CACNA1I: variants seen among roughly 807,000 people sequenced by gnomAD.
CACNA1I encodes the protein voltage-dependent T-type calcium channel subunit alpha-1I.
In CACNA1I, 74 loss-of-function variants were observed where a neutral mutation model predicts 201.6. That is an observed-to-expected ratio of 0.37 (90% CI 0.30 to 0.45). CACNA1I has a LOEUF of 0.45. CACNA1I is among the 20% of genes least tolerant of loss of function. CACNA1I has a pLI of 1.00. For missense variants in CACNA1I, 2,346 were observed against 3,138.1 expected, an observed-to-expected ratio of 0.75 and a Z score of 6.03; for synonymous variants, 1,431 against 1,345.2, an observed-to-expected ratio of 1.06 and a Z score of -1.40.
chr22:39,652,669 C>T (rs1378501367), intron 10 of CACNA1I, among the ~76,000 whole-genome samples: 1 of 152,206 alleles, frequency 6.6e-6, no homozygotes, highest in Non-Finnish European at 1.5e-5. Flanking sequence ...CTTTGGGAGG[C>T]TGTGGCGAGA....
Position 39,677,283 on chromosome 22 carries a change from G to A in CACNA1I, c.4855-58G>A. On this transcript the variant is annotated intron_variant, in intron 29 of 36. Coordinates refer to ENST00000402142, the MANE Select transcript of CACNA1I (RefSeq NM_021096.4). The surrounding 1 kb of genome is among the most constrained non-coding windows in gnomAD (Gnocchi z 4.8). The stretch of plus-strand genomic sequence containing the variant: ...CTGCCCCAGCCTCCACCCTTCCCAG[G>A]CCTGGTGCGCCCCCACCCGCTCCCC... 8.2e-6 allele frequency: 10 copies of A among 1,225,524 alleles called. No individual in the cohort carries two copies. Among genetic ancestry groups the A allele is most frequent in the African/African-American group, 1.5e-5 (1 of 67,040 alleles). The allele number at this position is 1,225,524 out of a possible 1,614,324, so 75.9% of individuals were successfully genotyped here.
intron 1 of CACNA1I, among the ~76,000 whole-genome samples, chr22:39,574,055 C>T (rs1932267545): frequency 6.6e-6 from 1 of 152,190 alleles, no homozygotes; most frequent in Admixed American, 6.5e-5. Context: ...GATACGGACT[C>T]TCTTCAGGCC....
Position 39,685,697 on chromosome 22 carries a change from G to T in CACNA1I, c.6028-64G>T, listed in dbSNP as rs1423624796. On this transcript the variant is annotated intron_variant, in intron 36 of 36. Transcript: ENST00000402142. The surrounding 1 kb of genome is among the most constrained non-coding windows in gnomAD (Gnocchi z 5.0). ...TGCTGCCTGCTGTGCGGGGGAGGGC[G>T]GCGTCCAGGTTGCTGGGGTGGGGGC... 95 of 1,320,080 alleles carry T rather than the reference G, an allele frequency of 7.2e-5. No homozygotes were observed. The highest frequency in any genetic ancestry group is 8.8e-5 in the Non-Finnish European group (90 of 1,018,990). 81.8% of individuals were successfully genotyped at this position (1,320,080 alleles called of 1,614,324 possible).
chr22:39,632,903 T>A (rs767330504), intron 4 of CACNA1I, among the ~76,000 whole-genome samples: 1 of 151,484 alleles, frequency 6.6e-6, no homozygotes, highest in African/African-American at 2.4e-5. Context: ...CTGCTCTCGG[T>A]GGGGTGAAGC....
At chr22:39,641,203 G>A in intron 6 of CACNA1I, 21 bp downstream of exon 6, 1 of 1,598,964 alleles carries the variant, frequency 6.3e-7, no homozygotes, top group South Asian at 1.1e-5. Context: ...TCAGGCCTGG[G>A]GCCAGCCTGG....
rs534027710 is a variant in CACNA1I at position 39,676,160 on chromosome 22, C to A, written c.4855-1181C>A. ...GACAGATAGAAAAGCTGACGGCAAT[C>A]CTGGTTAAGAGATGCTGCCCCCGCC... On this transcript the variant is annotated intron_variant, in intron 29 of 36. Coordinates refer to ENST00000402142, the MANE Select transcript of CACNA1I (RefSeq NM_021096.4). The surrounding 1 kb of genome is among the most constrained non-coding windows in gnomAD (Gnocchi z 4.8). Among the ~76,000 whole-genome samples, 2 of 152,176 alleles carry A rather than the reference C, an allele frequency of 1.3e-5. No homozygotes were observed. The highest frequency in any genetic ancestry group is 4.1e-4 in the South Asian group (2 of 4,830).
chr22:39,631,129 G>A (rs1934051664), intron 4 of CACNA1I, among the ~76,000 whole-genome samples: 1 of 152,212 alleles, frequency 6.6e-6, no homozygotes, highest in African/African-American at 2.4e-5. Flanking sequence ...TGGCCCCGTG[G>A]TATTCCTGAA....
At chr22:39,682,344 G>C (rs1176968779) in intron 34 of CACNA1I, among the ~76,000 whole-genome samples, 152 bp from the exon 35 acceptor site, 1 of 152,180 alleles carries the variant, frequency 6.6e-6, no homozygotes, top group Non-Finnish European at 1.5e-5. Flanking sequence ...CGGGATTTTG[G>C]AAGATGGTCA....
At chr22:39,601,405 T>G (rs1406972831) in intron 3 of CACNA1I, among the ~76,000 whole-genome samples, 1 of 152,196 alleles carries the variant, frequency 6.6e-6, no homozygotes, top group East Asian at 1.9e-4. Flanking sequence ...CTGAGAGCAT[T>G]TAACACAGCA....
In CACNA1I at chr22:39,649,699, C is replaced by T. The variant is rs763879468; in HGVS notation, c.1766C>T (p.Ala589Val). Residue 589 changes from alanine (A) to valine (V), a missense_variant, in exon 10 of 37, where the codon GCG (alanine) becomes GTG (valine). By Grantham distance (64) the Ala-to-Val change is moderately conservative (BLOSUM62 0). Transcript: ENST00000402142. This position sits in a 1 kb window ranked among gnomAD's most constrained non-coding sequence, Gnocchi z 7.3. ...SGSSAGGEDE[A>V]DGDGARSSED... ...AGCTCCGCTGGTGGCGAGGACGAGG[C>T]GGATGGGGACGGGGCCCGGAGCAGC... is the stretch of plus-strand genomic sequence containing the variant. 7.0e-5 allele frequency: 106 copies of T among 1,519,524 alleles called. No homozygotes were observed. In the Middle Eastern group the frequency reaches 1.5e-3, roughly 22 times the overall value. 94.1% of individuals were successfully genotyped at this position (1,519,524 alleles called of 1,614,324 possible).
chr22:39,684,607 C>G lies in CACNA1I; in HGVS notation c.6027+109C>G. The G allele has an allele frequency of 8.4e-7, 1 of 1,196,106 alleles. No individual in the cohort carries two copies. Among genetic ancestry groups the G allele is most frequent in the Non-Finnish European group, 1.2e-6 (1 of 831,534 alleles). 74.1% of individuals were successfully genotyped at this position (1,196,106 alleles called of 1,614,324 possible). A position where few individuals can be genotyped will look rare whatever the true frequency, so the allele number is the denominator to read the frequency against. ...GGAGGGGAAGGACCCAACCAAAGGC[C>G]GAGGGCACCACCGTGCAAGGGGGTT... On this transcript the variant is annotated intron_variant, in intron 36 of 36. Coordinates refer to ENST00000402142, the MANE Select transcript of CACNA1I (RefSeq NM_021096.4). This position sits in a 1 kb window ranked among gnomAD's most constrained non-coding sequence, Gnocchi z 4.6.
At chr22:39,664,461 C>G (rs1359306163) in intron 20 of CACNA1I, among the ~76,000 whole-genome samples, 1 of 152,086 alleles carries the variant, frequency 6.6e-6, no homozygotes, top group Non-Finnish European at 1.5e-5. Context: ...TGGGGCGCTT[C>G]CCAGGGCGGG....
intron 29 of CACNA1I, among the ~76,000 whole-genome samples, chr22:39,674,240 G>C (rs116643501): frequency 6.6e-6 from 1 of 152,204 alleles, no homozygotes. Context: ...GTGGTTGCCA[G>C]TGCCACTCTG....
chr22:39,594,668 C>T (rs1254363182), intron 1 of CACNA1I, among the ~76,000 whole-genome samples: 1 of 152,062 alleles, frequency 6.6e-6, no homozygotes, highest in Non-Finnish European at 1.5e-5. Flanking sequence ...ACCTCTCCCA[C>T]TCCTCTCTGG....
chr22:39,676,000 C>T (rs778584718), intron 29 of CACNA1I, among the ~76,000 whole-genome samples: 2 of 152,202 alleles, frequency 1.3e-5, no homozygotes, highest in African/African-American at 4.8e-5. Context: ...AGGAAGGCTG[C>T]AGCCGAGCTG....
At chr22:39,634,807 G>A in intron 5 of CACNA1I, 83 bp downstream of exon 5, 1 of 1,353,698 alleles carries the variant, frequency 7.4e-7, no homozygotes, top group East Asian at 2.3e-5. Context: ...TTGGGAATCA[G>A]GACCAATGGG....
Position 39,672,938 on chromosome 22 carries a change from C to T in CACNA1I, c.4650-11C>T, listed in dbSNP as rs750479536. On this transcript the variant is annotated splice_polypyrimidine_tract_variant and intron_variant, in intron 27 of 36. Coordinates refer to ENST00000402142, the MANE Select transcript of CACNA1I (RefSeq NM_021096.4). ...ATGCCCACTCCTGCCCTCCCATGCA[C>T]GGCTGAGCAGATGGAACCAGCTGGA... 2.2e-5 allele frequency: 36 copies of T among 1,610,326 alleles called. 1 individual carries two copies. The highest frequency in any genetic ancestry group is 3.3e-4 in the Middle Eastern group (2 of 6,032).
At chr22:39,600,720 G>A in intron 3 of CACNA1I, 67 bp downstream of exon 3, 1 of 1,489,226 alleles carries the variant, frequency 6.7e-7, no homozygotes, top group African/African-American at 1.4e-5. Flanking sequence ...GAGAATCCAG[G>A]GCTTCTTGCT....
intron 1 of CACNA1I, among the ~76,000 whole-genome samples, chr22:39,575,215 T>G (rs1319419922): frequency 6.6e-6 from 1 of 152,210 alleles, no homozygotes; most frequent in Non-Finnish European, 1.5e-5. Flanking sequence ...TGGAAAGCGC[T>G]GGGCACCTGA....
Sources: allele counts gnomAD v4.1 joint callset (sites outside exome capture counted in the v4.1 genomes callset), GRCh38; gene constraint gnomAD v4.1.1; non-coding constraint Gnocchi (gnomAD v3.1); transcripts MANE v1.5; gene names NCBI Gene and HGNC (gene_info 2026-07-23, HGNC 2026-07-21).